The following ZNF787 variants were observed in gnomAD, a reference collection of about 807,000 sequenced individuals.
ZNF787 encodes the protein TTF-I-interacting peptide 20.
A neutral mutation model predicts 16.9 loss-of-function variants in ZNF787; 7 were observed. That is an observed-to-expected ratio of 0.42 (90% CI 0.24 to 0.78). The LOEUF (loss-of-function observed/expected upper bound fraction) is 0.78. Ranked by LOEUF, ZNF787 falls within the 30% of genes least tolerant of loss-of-function variation. The pLI is 0.30. For missense variants in ZNF787, 551 were observed against 589.3 expected (o/e 0.94, Z 0.67); for synonymous variants, 345 against 270.9 (o/e 1.27, Z -2.69).
At chr19:56,118,759 C>A (rs927896690) in intron 1 of ZNF787, among the ~76,000 whole-genome samples, 5 of 152,146 alleles carry the variant, frequency 3.3e-5, no homozygotes, top group African/African-American at 1.2e-4. Flanking sequence ...AGAGGACACA[C>A]GAACGAGGTT....
At position 56,088,489 on chromosome 19, in the gene ZNF787, G is replaced by T; in HGVS notation, c.683C>A (p.Ala228Glu). 7.3e-7 allele frequency: 1 copy of T among 1,369,864 alleles called. No individual in the cohort carries two copies. Among genetic ancestry groups the T allele is most frequent in the Non-Finnish European group, 9.4e-7 (1 of 1,064,766 alleles). The allele number at this position is 1,369,864 out of a possible 1,614,324, so 84.9% of individuals were successfully genotyped here. The change falls in exon 3 of 3, where the codon GCG becomes GAG. Residue 228 changes from alanine (A) to glutamate (E), a missense_variant. Physicochemically the swap from Ala to Glu is moderately radical, Grantham distance 107. This residue lies in a region of ZNF787 where 392 missense variants were observed against 312.7 expected (regional missense o/e 1.25). Coordinates refer to ENST00000610935, the MANE Select transcript of ZNF787 (RefSeq NM_001002836.4). The surrounding 1 kb of genome is among the most constrained non-coding windows in gnomAD (Gnocchi z 8.6). ...GGGGATGGCGATCTCGCCGTCCGCC[G>T]CCACCGCCTCTTCGGGCCCCTTGGC... ...RRAKGPEEAV[A>E]ADGEIAIPVG...
At chr19:56,102,776 G>C (rs1986149412) in intron 2 of ZNF787, 2 of 618,524 alleles carry the variant, frequency 3.2e-6, no homozygotes, top group South Asian at 3.8e-5. Context: ...GGCCCGCCTG[G>C]AATCATAGCA....
At chr19:56,099,213 G>A (rs565740853) in intron 2 of ZNF787, among the ~76,000 whole-genome samples, 1 of 152,326 alleles carries the variant, frequency 6.6e-6, no homozygotes, top group African/African-American at 2.4e-5. Flanking sequence ...CTGCAGGGCA[G>A]CCCAAAGCCC....
At chr19:56,089,148 T>G in intron 2 of ZNF787, 56 bp from the exon 3 acceptor site, 2 of 1,331,812 alleles carry the variant, frequency 1.5e-6, no homozygotes, top group Non-Finnish European at 2.0e-6. Context: ...GCTCCACGCC[T>G]GCCTTGGCTG....
At chr19:56,120,774 G>A (rs866740839) in intron 1 of ZNF787, among the ~76,000 whole-genome samples, 3 of 149,584 alleles carry the variant, frequency 2.0e-5, no homozygotes, top group Admixed American at 6.6e-5. Context: ...CACGACCGGC[G>A]GAGTTGGAAC....
chr19:56,108,068 A>ACGTGAAGGGCAGCACTGGCTACCCTT, intron 1 of ZNF787, among the ~76,000 whole-genome samples: 1 of 152,192 alleles, frequency 6.6e-6, no homozygotes, highest in African/African-American at 2.4e-5. Context: ...CCCCTGCAAC[A>ACGTGAAGGGCAGCACTGGCTACCCTT]CGTGAAGGGC....
intron 2 of ZNF787, among the ~76,000 whole-genome samples, chr19:56,090,255 T>C (rs181727745): frequency 3.7e-4 from 57 of 152,252 alleles, no homozygotes; most frequent in African/African-American, 1.3e-3. Context: ...CGTCAGGTCC[T>C]CATAAGCTGG....
At chr19:56,106,895 C>T (rs1430577363) in intron 1 of ZNF787, among the ~76,000 whole-genome samples, 2 of 152,052 alleles carry the variant, frequency 1.3e-5, no homozygotes, top group East Asian at 3.9e-4. Flanking sequence ...CCCTCTGAAC[C>T]GATTTTCCCG....
In ZNF787 at chr19:56,088,042, C is replaced by T. The variant is rs1402147361; in HGVS notation, c.1130G>A (p.Arg377His). 9.0e-7 allele frequency: 1 copy of T among 1,115,312 alleles called. No homozygotes were observed. Among genetic ancestry groups the T allele is most frequent in the South Asian group, 2.1e-5 (1 of 47,178 alleles). 69.1% of individuals were successfully genotyped at this position (1,115,312 alleles called of 1,614,324 possible). The change falls in exon 3 of 3, where the codon CGC becomes CAC. Residue 377 changes from arginine to histidine, a missense_variant. Arg to His is a conservative substitution (Grantham distance 29). Around this residue, in one of 4 missense-constraint regions of ZNF787, gnomAD observed 392 missense variants for 312.7 expected, o/e 1.25. Transcript: ENST00000610935. This position sits in a 1 kb window ranked among gnomAD's most constrained non-coding sequence, Gnocchi z 8.6. ...CCTCCCCTACCGGCCCTCCCCACCG[C>T]GGCACTCGGGGCACCGCCCGCCCGC... is the stretch of plus-strand genomic sequence containing the variant. ...EAAGGRCPEC[R>H]GGEGR is the part of the protein sequence containing the mutation.
At position 56,094,187 on chromosome 19, in the gene ZNF787, C is replaced by CTTT. The variant is rs572443571; in HGVS notation, c.80-5098_80-5096dup. Among the ~76,000 whole-genome samples the CTTT allele has an allele frequency of 2.6e-3, 275 of 105,428 alleles. 5 individuals carry two copies. The highest frequency in any genetic ancestry group is 0.011 in the East Asian group (37 of 3,226). 69.2% of individuals were successfully genotyped at this position (105,428 alleles called of 152,430 possible). On this transcript the variant is annotated intron_variant, in intron 2 of 2. Coordinates refer to ENST00000610935, the MANE Select transcript of ZNF787 (RefSeq NM_001002836.4). ...TACAGGCATGAGCCATCATGCCCGG[C>CTTT]TTTTTTTTTTTTTTTTTTTTCATTT...
intron 2 of ZNF787, among the ~76,000 whole-genome samples, chr19:56,100,626 C>A (rs1284116341): frequency 2.0e-5 from 3 of 152,114 alleles, no homozygotes; most frequent in African/African-American, 7.2e-5. Context: ...CACGCCATGG[C>A]CAGGCCAACA....
At chr19:56,106,334 T>A (rs916547495) in intron 1 of ZNF787, among the ~76,000 whole-genome samples, 14 of 152,338 alleles carry the variant, frequency 9.2e-5, no homozygotes, top group African/African-American at 3.4e-4. Flanking sequence ...CACCCACCCA[T>A]CGCTGGAGGA....
rs1344211488 is a variant in ZNF787, at chr19:56,102,932, G to C, written c.79+207C>G. ...CAGGGGTCCCCAAGATCATCCAGCAGAAAGGAAACTTGGAGCCACAACACT... is the reference window on the plus strand; with the variant it reads ...CAGGGGTCCCCAAGATCATCCAGCACAAAGGAAACTTGGAGCCACAACACT... On this transcript the variant is annotated intron_variant, in intron 2 of 2. Transcript: ENST00000610935. The C allele has an allele frequency of 1.7e-5, 12 of 710,792 alleles. No homozygotes were observed. The Admixed American group carries it at 2.4e-4, about 14-fold the overall frequency. The allele number at this position is 710,792 out of a possible 1,614,324, so 44.0% of individuals were successfully genotyped here. A position where few individuals can be genotyped will look rare whatever the true frequency, so the allele number is the denominator to read the frequency against.
At position 56,088,968 on chromosome 19, in the gene ZNF787, G is replaced by A; in HGVS notation, c.204C>T (p.Cys68=). The change falls in exon 3 of 3, where the codon TGC becomes TGT. Residue 68 remains cysteine, a synonymous_variant. Coordinates refer to ENST00000610935, the MANE Select transcript of ZNF787 (RefSeq NM_001002836.4). This position sits in a 1 kb window ranked among gnomAD's most constrained non-coding sequence, Gnocchi z 8.6. ...GGCTAAAGCTCTTGCCACACTCGTT[G>A]CAGATGTAGGGGGCGGGCGGCCGCG... The part of the protein sequence containing the change: ...PRPRPPAPYI[C]NECGKSFSHW... The A allele has an allele frequency of 6.5e-7, 1 of 1,542,418 alleles. No individual in the cohort carries two copies. The highest frequency in any genetic ancestry group is 8.7e-7 in the Non-Finnish European group (1 of 1,144,308).
chr19:56,087,924 C>A lies in ZNF787; in HGVS notation c.*99G>T. The A allele has an allele frequency of 7.8e-7, 1 of 1,285,432 alleles. No homozygotes were observed. The highest frequency in any genetic ancestry group is 2.1e-5 in the South Asian group (1 of 47,172). 79.6% of individuals were successfully genotyped at this position (1,285,432 alleles called of 1,614,324 possible). A position where few individuals can be genotyped will look rare whatever the true frequency, so the allele number is the denominator to read the frequency against. ...GAGCCGGGGATGCCGCGGGGTCCAT[C>A]GCACCCCGTCCGCTTCTCCCTGGGT... On this transcript the variant is annotated 3_prime_UTR_variant, in exon 3 of 3. Transcript: ENST00000610935.
intron 1 of ZNF787, among the ~76,000 whole-genome samples, chr19:56,118,334 C>T (rs2030196453): frequency 6.7e-6 from 1 of 149,746 alleles, no homozygotes; most frequent in African/African-American, 2.6e-5. Flanking sequence ...GTGTAGGAGT[C>T]CTCGTGGACA....
At chr19:56,093,476 C>G (rs1014212839) in intron 2 of ZNF787, among the ~76,000 whole-genome samples, 1 of 152,150 alleles carries the variant, frequency 6.6e-6, no homozygotes, top group African/African-American at 2.4e-5. Flanking sequence ...CCTCCTTCCC[C>G]TCAGTGTTTT....
rs56034363 is a variant in ZNF787 at position 56,088,050 on chromosome 19, G to T, written c.1122C>A (p.Pro374=). Residue 374 remains proline, a synonymous_variant, in exon 3 of 3, where the codon CCC becomes CCA. Coordinates refer to ENST00000610935, the MANE Select transcript of ZNF787 (RefSeq NM_001002836.4). This position sits in a 1 kb window ranked among gnomAD's most constrained non-coding sequence, Gnocchi z 8.6. ...DDDEAAGGRC[P]ECRGGEGR ...ACCGGCCCTCCCCACCGCGGCACTC[G>T]GGGCACCGCCCGCCCGCGGCCTCGT... 7.3e-7 allele frequency: 1 copy of T among 1,361,080 alleles called. No individual in the cohort carries two copies. Among genetic ancestry groups the T allele is most frequent in the Non-Finnish European group, 9.4e-7 (1 of 1,065,470 alleles). 84.3% of individuals were successfully genotyped at this position (1,361,080 alleles called of 1,614,324 possible). A position where few individuals can be genotyped will look rare whatever the true frequency, so the allele number is the denominator to read the frequency against.
chr19:56,090,490 C>T (rs751531708), intron 2 of ZNF787, among the ~76,000 whole-genome samples: 3 of 152,140 alleles, frequency 2.0e-5, no homozygotes, highest in Admixed American at 6.5e-5. Flanking sequence ...TGGGATCCTG[C>T]GACCAGTAGC....
Sources: allele counts gnomAD v4.1 joint callset (sites outside exome capture counted in the v4.1 genomes callset), GRCh38; gene constraint gnomAD v4.1.1; regional missense constraint gnomAD v4.1.1; non-coding constraint Gnocchi (gnomAD v3.1); transcripts MANE v1.5; gene names NCBI Gene and HGNC (gene_info 2026-07-23, HGNC 2026-07-21).